Variants in PRKG2 observed in about 807,000 individuals in gnomAD.
The protein encoded by PRKG2 is cGMP-dependent protein kinase 2.
PRKG2 carries 33 observed loss-of-function variants against 97.2 expected under a neutral mutation model. The ratio of observed to expected loss-of-function variants is 0.34; its 90% CI spans 0.26 to 0.45. The LOEUF (loss-of-function observed/expected upper bound fraction) is 0.45. Ranked by LOEUF, PRKG2 falls within the 20% of genes least tolerant of loss-of-function variation. The pLI is 1.00. For synonymous variants in PRKG2, 330 were observed against 321.8 expected, an observed-to-expected ratio of 1.03 and a Z score of -0.27; for missense variants, 638 against 900.0, an observed-to-expected ratio of 0.71 and a Z score of 3.73.
At chr4:81,127,936 T>C (rs1011078072) in intron 14 of PRKG2, among the ~76,000 whole-genome samples, 2 of 152,214 alleles carry the variant, frequency 1.3e-5, no homozygotes, top group African/African-American at 4.8e-5. Flanking sequence ...CTTCCAGCTT[T>C]TGTCCATTCA....
At chr4:81,149,966 C>T (rs1306047115) in intron 8 of PRKG2, among the ~76,000 whole-genome samples, 1 of 152,164 alleles carries the variant, frequency 6.6e-6, no homozygotes, top group Non-Finnish European at 1.5e-5. Context: ...TCTGACATAA[C>T]TCACTGTCCC....
rs145256258 is a variant in PRKG2 at position 81,170,512 on chromosome 4, T to C, written c.743-744A>G. ...ACCAAACTTTACATTGGAATCATCT[T>C]GATATTCTTGTTAGAAATACAAGAT... is the stretch of plus-strand genomic sequence containing the variant. On this transcript the variant is annotated intron_variant, in intron 4 of 18. Coordinates refer to ENST00000264399, the MANE Select transcript of PRKG2 (RefSeq NM_006259.3). Among the ~76,000 whole-genome samples the C allele has an allele frequency of 2.2e-3, 340 of 152,238 alleles. 5 individuals carry two copies. Among genetic ancestry groups the C allele is most frequent in the African/African-American group, 7.7e-3 (322 of 41,566 alleles).
intron 14 of PRKG2, among the ~76,000 whole-genome samples, chr4:81,119,838 C>A (rs1744908812): frequency 6.6e-6 from 1 of 152,020 alleles, no homozygotes; most frequent in South Asian, 2.1e-4. Context: ...CCATGCCCGG[C>A]TAATTTTTTG....
chr4:81,120,607 T>C (rs1744984086), intron 14 of PRKG2, among the ~76,000 whole-genome samples: 1 of 152,206 alleles, frequency 6.6e-6, no homozygotes, highest in Non-Finnish European at 1.5e-5. Context: ...TCATTGCTAG[T>C]ATATAGGAAA....
At chr4:81,210,798 C>T (rs568437874) in intron 1 of PRKG2, among the ~76,000 whole-genome samples, 19 of 152,198 alleles carry the variant, frequency 1.2e-4, no homozygotes, top group African/African-American at 4.6e-4. Context: ...CTGAAAGCAA[C>T]CAAGAAGTCC....
chr4:81,174,576 T>C (rs904192247), intron 3 of PRKG2, among the ~76,000 whole-genome samples: 1 of 152,054 alleles, frequency 6.6e-6, no homozygotes, highest in African/African-American at 2.4e-5. Flanking sequence ...CTCAATAGGA[T>C]GCCTGATATA....
intron 17 of PRKG2, among the ~76,000 whole-genome samples, chr4:81,093,537 T>C (rs1235837209): frequency 6.6e-6 from 1 of 152,196 alleles, no homozygotes; most frequent in Non-Finnish European, 1.5e-5. Flanking sequence ...AGGGCAGAGA[T>C]TTTTATCTAT....
chr4:81,181,719 G>A (rs1751429720), intron 2 of PRKG2, among the ~76,000 whole-genome samples: 1 of 149,844 alleles, frequency 6.7e-6, no homozygotes, highest in East Asian at 2.0e-4. Context: ...TATAAAAAAA[G>A]AAATGAGTAG....
At chr4:81,148,296 T>C (rs1299001102) in intron 9 of PRKG2, among the ~76,000 whole-genome samples, 2 of 152,088 alleles carry the variant, frequency 1.3e-5, no homozygotes, top group African/African-American at 2.4e-5. Flanking sequence ...AAATATTGAG[T>C]TGATTAATGA....
At chr4:81,135,391 C>A (rs1199491981) in intron 13 of PRKG2, 95 bp from the exon 14 acceptor site, 1 of 1,292,248 alleles carries the variant, frequency 7.7e-7, no homozygotes, top group African/African-American at 1.5e-5. Flanking sequence ...CAGGTTTATG[C>A]AATATAAATA....
chr4:81,130,190 G>A (rs1746029332), intron 14 of PRKG2, among the ~76,000 whole-genome samples: 1 of 152,172 alleles, frequency 6.6e-6, no homozygotes, highest in Admixed American at 6.5e-5. Flanking sequence ...TTGGGTGGAA[G>A]TCCTTTTTGT....
chr4:81,173,061 T>C (rs532336670), intron 3 of PRKG2, among the ~76,000 whole-genome samples: 2 of 152,296 alleles, frequency 1.3e-5, no homozygotes, highest in Admixed American at 6.5e-5. Context: ...CAAGTTTTTA[T>C]CTTGAAATTG....
chr4:81,210,336 A>G (rs1181313694), intron 1 of PRKG2, among the ~76,000 whole-genome samples: 1 of 152,174 alleles, frequency 6.6e-6, no homozygotes, highest in Non-Finnish European at 1.5e-5. Context: ...CATATGTCTA[A>G]TTCTGAACAC....
intron 17 of PRKG2, among the ~76,000 whole-genome samples, chr4:81,095,420 T>C (rs1288304105): frequency 1.3e-5 from 2 of 152,168 alleles, no homozygotes; most frequent in African/African-American, 2.4e-5. Context: ...TATGGATTCT[T>C]TTCTTTTGTC....
In PRKG2 at chr4:81,174,822, T is replaced by A; in HGVS notation, c.599A>T (p.Glu200Val). ...CAGCACAAAGATATGGTTTCCTGGT[T>A]CTCCTTGCTTAATAATGTAACTCCC... ...QQGSYIIKQGEPGNHIFVLAE... is the reference protein window; with the variant it reads ...QQGSYIIKQGVPGNHIFVLAE... Residue 200 changes from glutamate (E) to valine (V), a missense_variant, in exon 3 of 19, where the codon GAA becomes GTA. Around this residue, in one of 3 missense-constraint regions of PRKG2, gnomAD observed 332 missense variants for 421.7 expected, o/e 0.79. Transcript: ENST00000264399. 6.2e-7 allele frequency: 1 copy of A among 1,612,714 alleles called. No homozygotes were observed. Among genetic ancestry groups the A allele is most frequent in the Non-Finnish European group, 8.5e-7 (1 of 1,179,246 alleles).
chr4:81,169,746 C>T lies in PRKG2; in HGVS notation c.765G>A (p.Trp255Ter). The change falls in exon 5 of 19, where the codon TGG (tryptophan) becomes TGA (stop). Residue 255 changes from tryptophan to a stop codon, truncating the protein, a stop_gained. Coordinates refer to ENST00000264399, the MANE Select transcript of PRKG2 (RefSeq NM_006259.3). LOFTEE classifies it high-confidence loss of function. ...TCTGGAATACCTCTCGATCTAGTGC[C>T]CATGTTTTAACATTGGTAATAGCTT... is the stretch of plus-strand genomic sequence containing the variant. The part of the protein sequence containing the change: ...SVKAITNVKT[W>*]ALDREVFQNI... The T allele has an allele frequency of 6.2e-7, 1 of 1,607,210 alleles. No individual in the cohort carries two copies. The highest frequency in any genetic ancestry group is 8.5e-7 in the Non-Finnish European group (1 of 1,176,492).
intron 14 of PRKG2, among the ~76,000 whole-genome samples, chr4:81,128,718 T>C (rs1237919623): frequency 6.6e-6 from 1 of 152,192 alleles, no homozygotes; most frequent in Admixed American, 6.5e-5. Context: ...TTCTTCTCTC[T>C]TTTCTTCTTT....
At chr4:81,155,610 A>T (rs371322267) in intron 6 of PRKG2, among the ~76,000 whole-genome samples, 51 of 151,730 alleles carry the variant, frequency 3.4e-4, no homozygotes, top group African/African-American at 1.0e-3. Context: ...GAAGAGCAAC[A>T]CCAAGACACA....
chr4:81,178,904 A>G (rs979039235), intron 2 of PRKG2, among the ~76,000 whole-genome samples: 8 of 152,072 alleles, frequency 5.3e-5, no homozygotes, highest in Non-Finnish European at 1.2e-4. Flanking sequence ...AGGTGGGCAG[A>G]TTACAAAGTC....
Sources: gnomAD v4.1 joint callset for allele counts (sites outside exome capture counted in the v4.1 genomes callset) on GRCh38, gnomAD v4.1.1 for gene constraint, gnomAD v4.1.1 regional missense constraint, MANE v1.5 for transcripts, NCBI Gene and HGNC (gene_info 2026-07-23, HGNC 2026-07-21) for gene names.